ACOT13: variants seen among roughly 807,000 people sequenced by gnomAD.
ACOT13 encodes acyl-CoA thioesterase 13.
Under a neutral mutation model 11.8 loss-of-function variants are expected in ACOT13, and 10 were observed. The observed-to-expected ratio is 0.85, with a 90% CI of 0.53 to 1.44. The LOEUF (loss-of-function observed/expected upper bound fraction) is 1.44. Among genes scored for constraint, ACOT13 ranks in the 40% most tolerant of loss-of-function variants. The pLI is 0.00. For synonymous variants in ACOT13, 53 were observed against 61.0 expected (o/e 0.87, Z 0.61); for missense variants, 172 against 174.1 (o/e 0.99, Z 0.07).
intron 1 of ACOT13, among the ~76,000 whole-genome samples, chr6:24,690,787 C>T (rs1230320254): frequency 2.6e-5 from 4 of 152,128 alleles, no homozygotes; most frequent in Admixed American, 2.0e-4. Flanking sequence ...CTGTTTTGTA[C>T]ACTCCCTGAG....
chr6:24,685,332 CTTTTTTTTTTTTTTTT>C (rs563020332), intron 1 of ACOT13, among the ~76,000 whole-genome samples: 70,731 of 117,360 alleles, frequency 0.6, 19,626 homozygotes, highest in Admixed American at 0.69. Context: ...TTTTACTGTA[CTTTTTTTTTTTTTTTT>C]TTTTTTTTTT....
At chr6:24,668,501 A>G (rs1309123839) in intron 1 of ACOT13, among the ~76,000 whole-genome samples, 3 of 152,224 alleles carry the variant, frequency 2.0e-5, no homozygotes, top group African/African-American at 4.8e-5. Flanking sequence ...GATTACAGGC[A>G]TGAGCCACCA....
At chr6:24,685,028 T>A (rs1054692973) in intron 1 of ACOT13, among the ~76,000 whole-genome samples, 27 of 152,234 alleles carry the variant, frequency 1.8e-4, no homozygotes, top group South Asian at 1.0e-3. Flanking sequence ...AATTTTTTTT[T>A]AATTTTTTTG....
chr6:24,681,000 G>T (rs1005160570), intron 1 of ACOT13, among the ~76,000 whole-genome samples: 1 of 152,046 alleles, frequency 6.6e-6, no homozygotes, highest in Admixed American at 6.6e-5. Flanking sequence ...ACCATCTATC[G>T]TCCTGTCCTG....
chr6:24,676,110 TGTTTTG>T (rs1778449862), intron 1 of ACOT13, among the ~76,000 whole-genome samples: 1 of 152,278 alleles, frequency 6.6e-6, no homozygotes, highest in African/African-American at 2.4e-5. Context: ...AGTACCATGC[TGTTTTG>T]GTTACTGTAG....
rs567098223 is a variant in ACOT13, at chr6:24,668,296, G to A, written c.81+952G>A. ...TGCAGTGACACGATCTCGGCTCACT[G>A]CAACCTCCGCCTCCTGGGTTCAAGT... is the stretch of plus-strand genomic sequence containing the variant. On this transcript the variant is annotated intron_variant, in intron 1 of 2. Coordinates refer to ENST00000230048, the MANE Select transcript of ACOT13 (RefSeq NM_018473.4). 6.3e-3 allele frequency among the ~76,000 whole-genome samples: 951 copies of A among 151,998 alleles called. 5 individuals are homozygous for A. Among genetic ancestry groups the A allele is most frequent in the Non-Finnish European group, 0.011 (771 of 67,994 alleles).
Position 24,704,112 on chromosome 6 carries a change from G to C in ACOT13, c.*2497G>C, listed in dbSNP as rs921393685. 18 of 152,108 alleles carry C rather than the reference G, an allele frequency of 1.2e-4. No homozygotes were observed. The highest frequency in any genetic ancestry group is 3.6e-4 in the African/African-American group (15 of 41,424). The allele number at this position is 152,108 out of a possible 1,614,324, so 9.4% of individuals were successfully genotyped here. On this transcript the variant is annotated 3_prime_UTR_variant, in exon 3 of 3. Transcript: ENST00000230048. The stretch of plus-strand genomic sequence containing the variant: ...AGAGTATCAACATTCCCTGAGTTTG[G>C]TAATTTTACTCTAGTTATATGAAAT...
At chr6:24,699,364 C>T (rs1025157671) in intron 2 of ACOT13, among the ~76,000 whole-genome samples, 2 of 152,042 alleles carry the variant, frequency 1.3e-5, no homozygotes, top group Admixed American at 6.5e-5. Context: ...CGCCTGCCAC[C>T]ATGCCCGACT....
chr6:24,690,185 A>G (rs147702241), intron 1 of ACOT13, among the ~76,000 whole-genome samples: 113 of 152,290 alleles, frequency 7.4e-4, no homozygotes, highest in African/African-American at 2.5e-3. Flanking sequence ...CCAGATTTGC[A>G]TTCCTTCAGA....
At chr6:24,689,617 G>A (rs1265820281) in intron 1 of ACOT13, among the ~76,000 whole-genome samples, 41 of 152,164 alleles carry the variant, frequency 2.7e-4, no homozygotes. Context: ...TATACCCTGT[G>A]TATATATGAG....
chr6:24,703,759 TAGTAGTA>T lies in ACOT13; in HGVS notation c.*2149_*2155del, dbSNP rs1393838669. ...TTGCACATTGCTTCCCAGAGATTGC[TAGTAGTA>T]AGTACCACACATAGGGCAAAACCAG... On this transcript the variant is annotated 3_prime_UTR_variant, in exon 3 of 3. Coordinates refer to ENST00000230048, the MANE Select transcript of ACOT13 (RefSeq NM_018473.4). 1 of 152,222 alleles carries T rather than the reference TAGTAGTA, an allele frequency of 6.6e-6. No homozygotes were observed. The highest frequency in any genetic ancestry group is 2.4e-5 in the African/African-American group (1 of 41,448). The allele number at this position is 152,222 out of a possible 1,614,324, so 9.4% of individuals were successfully genotyped here. A position where few individuals can be genotyped will look rare whatever the true frequency, so the allele number is the denominator to read the frequency against.
intron 1 of ACOT13, among the ~76,000 whole-genome samples, chr6:24,695,781 C>A (rs1021070381): frequency 1.3e-5 from 2 of 152,058 alleles, no homozygotes; most frequent in Non-Finnish European, 2.9e-5. Context: ...AACAGACGAT[C>A]ATAGGCCAGG....
chr6:24,667,090 C>T lies in ACOT13; in HGVS notation c.-174C>T, dbSNP rs1778268278. 2 of 847,708 alleles carry T rather than the reference C, an allele frequency of 2.4e-6. No homozygotes were observed. Among genetic ancestry groups the T allele is most frequent in the Admixed American group, 2.9e-5 (1 of 35,012 alleles). 52.5% of individuals were successfully genotyped at this position (847,708 alleles called of 1,614,324 possible). A position where few individuals can be genotyped will look rare whatever the true frequency, so the allele number is the denominator to read the frequency against. ...GCGAGGAAAGTCAGTGAGCAAATCG[C>T]GGACCACCGGGGCTGCCAGCTCGCC... On this transcript the variant is annotated 5_prime_UTR_variant, in exon 1 of 3. Coordinates refer to ENST00000230048, the MANE Select transcript of ACOT13 (RefSeq NM_018473.4).
chr6:24,668,314 G>A (rs1778299083), intron 1 of ACOT13, among the ~76,000 whole-genome samples: 1 of 151,542 alleles, frequency 6.6e-6, no homozygotes, highest in African/African-American at 2.4e-5. Flanking sequence ...CGCCTCCTGG[G>A]TTCAAGTGAT....
chr6:24,700,783 T>C (rs1280361108), intron 2 of ACOT13: 2 of 152,218 alleles, frequency 1.3e-5, no homozygotes, highest in Non-Finnish European at 2.9e-5. Flanking sequence ...GAAGTCTTAT[T>C]TTGAATATGG....
chr6:24,687,646 G>T (rs1432414961), intron 1 of ACOT13: 1 of 1,530,902 alleles, frequency 6.5e-7, no homozygotes, highest in Admixed American at 2.1e-5. Context: ...AAGACATACA[G>T]GCTTGAGAGA....
intron 2 of ACOT13, among the ~76,000 whole-genome samples, 181 bp downstream of exon 2, chr6:24,698,248 A>C (rs1778831508): frequency 6.6e-6 from 1 of 152,254 alleles, no homozygotes; most frequent in Admixed American, 6.5e-5. Context: ...AGAGCAGTTA[A>C]TTTGCAAGTA....
chr6:24,676,164 T>C lies in ACOT13; in HGVS notation c.81+8820T>C, dbSNP rs567806455. Among the ~76,000 whole-genome samples the C allele has an allele frequency of 2.6e-5, 4 of 152,322 alleles. No homozygotes were observed. In the South Asian group the frequency reaches 8.3e-4, roughly 32 times the overall value. On this transcript the variant is annotated intron_variant, in intron 1 of 2. Coordinates refer to ENST00000230048, the MANE Select transcript of ACOT13 (RefSeq NM_018473.4). ...GTTTGAAGTCAGGTAGCGTGATGCC[T>C]CTCCAGCTTTGTTCTTTTGGCTTAG...
At chr6:24,700,425 CTTTTTTTTTTTTT>C (rs34173572) in intron 2 of ACOT13, among the ~76,000 whole-genome samples, 8 of 105,150 alleles carry the variant, frequency 7.6e-5, no homozygotes, top group South Asian at 3.3e-4. Flanking sequence ...TAAGATCCAC[CTTTTTTTTTTTTT>C]TTTTTTTTTT....
Sources: allele counts gnomAD v4.1 joint callset (sites outside exome capture counted in the v4.1 genomes callset), GRCh38; gene constraint gnomAD v4.1.1; transcripts MANE v1.5; gene names NCBI Gene and HGNC (gene_info 2026-07-23, HGNC 2026-07-21).